The following GARIN4 variants were observed in gnomAD, a reference collection of about 807,000 sequenced individuals.
GARIN4 encodes the protein Golgi-associated RAB2 interactor protein 4.
At chr1:212,625,916 G>T in the GARIN4 span, 1 of 1,614,210 alleles carries the variant, frequency 6.2e-7, no homozygotes. Context: ...TGTGGCAGGG[G>T]CTGCAGGCAA....
chr1:212,625,552 C>G, the GARIN4 span: 1 of 1,614,216 alleles, frequency 6.2e-7, no homozygotes, highest in South Asian at 1.1e-5. Context: ...AAAGCCTCCA[C>G]ATGGTCTCTG....
At chr1:212,624,579 T>G in the GARIN4 span, 1 of 275,500 alleles carries the variant, frequency 3.6e-6, no homozygotes, top group Non-Finnish European at 6.8e-6. Context: ...GGTCAGGGGG[T>G]TAGGTCCAGA....
At chr1:212,625,755 C>A in the GARIN4 span, 2 of 1,613,864 alleles carry the variant, frequency 1.2e-6, no homozygotes, top group African/African-American at 2.7e-5. Flanking sequence ...GGCACCGTAG[C>A]AGGTGCCTTG....
At chr1:212,625,061 G>A in the GARIN4 span, 1 of 1,614,122 alleles carries the variant, frequency 6.2e-7, no homozygotes, top group Admixed American at 1.7e-5. Flanking sequence ...AGTGATTGAT[G>A]TGCACAACCG....
chr1:212,626,371 C>T, the GARIN4 span: 1 of 1,614,216 alleles, frequency 6.2e-7, no homozygotes, highest in Non-Finnish European at 8.5e-7. Context: ...ACACGCCCAT[C>T]TCAAAGGAGT....
chr1:212,625,412 G>T, the GARIN4 span: 24 of 1,614,134 alleles, frequency 1.5e-5, no homozygotes, highest in Admixed American at 3.3e-4. Context: ...GCCACCCATG[G>T]AGAGTAACAG....
chr1:212,625,548 T>C, the GARIN4 span: 2 of 1,614,142 alleles, frequency 1.2e-6, no homozygotes, highest in South Asian at 2.2e-5. Context: ...ATCCAAAGCC[T>C]CCACATGGTC....
At chr1:212,625,214 G>T in the GARIN4 span, 1 of 1,614,122 alleles carries the variant, frequency 6.2e-7, no homozygotes, top group South Asian at 1.1e-5. Flanking sequence ...ACGCAAGGCA[G>T]CAAAGAACTT....
At chr1:212,625,043 A>C in the GARIN4 span, 1 of 1,614,188 alleles carries the variant, frequency 6.2e-7, no homozygotes, top group South Asian at 1.1e-5. Flanking sequence ...GATCACCAAA[A>C]GGGGAGAAGT....
the GARIN4 span, chr1:212,626,527 G>C: frequency 6.2e-7 from 1 of 1,614,188 alleles, no homozygotes; most frequent in East Asian, 2.2e-5. Context: ...GCAGAGATGT[G>C]AACGTCATGG....
At chr1:212,625,751 G>T in the GARIN4 span, 2 of 1,613,778 alleles carry the variant, frequency 1.2e-6, no homozygotes, top group Admixed American at 3.3e-5. Context: ...AACAGGCACC[G>T]TAGCAGGTGC....
At chr1:212,626,429 G>C in the GARIN4 span, 2 of 1,614,078 alleles carry the variant, frequency 1.2e-6, no homozygotes, top group Non-Finnish European at 1.7e-6. Context: ...CACCAGTTCC[G>C]GTTCCAGCAA....
chr1:212,626,613 G>T, the GARIN4 span: 42 of 1,613,064 alleles, frequency 2.6e-5, no homozygotes, highest in Non-Finnish European at 3.5e-5. Context: ...GAGACGGTTG[G>T]TTCTATGACA....
At chr1:212,626,491 T>C in the GARIN4 span, 1 of 1,614,132 alleles carries the variant, frequency 6.2e-7, no homozygotes. Flanking sequence ...CCAACCTTAC[T>C]ACAAAAGTAG....
At chr1:212,625,841 G>A in the GARIN4 span, 11 of 1,614,138 alleles carry the variant, frequency 6.8e-6, no homozygotes, top group African/African-American at 1.3e-4. Flanking sequence ...CGGTGCAGGA[G>A]GAAACAAAGG....
the GARIN4 span, chr1:212,625,916 G>A: frequency 1.9e-6 from 3 of 1,614,210 alleles, no homozygotes; most frequent in Admixed American, 1.7e-5. Context: ...TGTGGCAGGG[G>A]CTGCAGGCAA....
At chr1:212,625,933 A>G in the GARIN4 span, 1 of 1,614,256 alleles carries the variant, frequency 6.2e-7, no homozygotes, top group Non-Finnish European at 8.5e-7. Flanking sequence ...GCAAGTCCTC[A>G]GAGCATGTTT....
the GARIN4 span, chr1:212,626,744 T>C: frequency 2.7e-5 from 40 of 1,508,090 alleles, no homozygotes; most frequent in East Asian, 1.6e-4. Flanking sequence ...CGTTCTTTAC[T>C]GCCGTTTAAA....
the GARIN4 span, chr1:212,624,978 A>C: frequency 6.2e-7 from 1 of 1,614,160 alleles, no homozygotes; most frequent in Non-Finnish European, 8.5e-7. Flanking sequence ...CAACTGTACA[A>C]GGGGGAGTAC....
Sources: gnomAD v4.1 joint callset for allele counts on GRCh38, gnomAD v4.1.1 for gene constraint, MANE v1.5 for transcripts, NCBI Gene and HGNC (gene_info 2026-07-23, HGNC 2026-07-21) for gene names.